RNF13: variants seen among roughly 807,000 people sequenced by gnomAD.
RNF13 encodes the protein ring finger protein 13.
A neutral mutation model predicts 37.7 loss-of-function variants in RNF13; 19 were observed. That is an observed-to-expected ratio of 0.50 (90% CI 0.35 to 0.74). RNF13 has a LOEUF of 0.74. Among genes scored for constraint, RNF13 ranks in the 30% least tolerant of loss-of-function variants. RNF13 has a pLI of 0.01. For synonymous variants in RNF13, 144 were observed against 157.8 expected (o/e 0.91, Z 0.65); for missense variants, 375 against 453.0 (o/e 0.83, Z 1.56).
chr3:149,892,223 T>C (rs1714785330), intron 4 of RNF13, among the ~76,000 whole-genome samples: 1 of 152,206 alleles, frequency 6.6e-6, no homozygotes, highest in African/African-American at 2.4e-5. Flanking sequence ...GCTTTTGATA[T>C]TGATATAATT....
chr3:149,856,960 G>C (rs1401453821), intron 3 of RNF13, among the ~76,000 whole-genome samples: 1 of 152,154 alleles, frequency 6.6e-6, no homozygotes. Context: ...GTGTTAGCTA[G>C]AATGGTCTCA....
intron 4 of RNF13, among the ~76,000 whole-genome samples, chr3:149,894,777 T>C (rs1280356392): frequency 6.6e-6 from 1 of 152,182 alleles, no homozygotes; most frequent in Non-Finnish European, 1.5e-5. Flanking sequence ...TTGCTAATAG[T>C]CTAAAGGTCA....
At chr3:149,897,138 G>C (rs1416608241) in intron 5 of RNF13, among the ~76,000 whole-genome samples, 1 of 152,170 alleles carries the variant, frequency 6.6e-6, no homozygotes, top group Non-Finnish European at 1.5e-5. Flanking sequence ...TTTGTGATCT[G>C]TATACATTTA....
At chr3:149,959,969 T>C in intron 8 of RNF13, 87 bp from the exon 9 acceptor site, 2 of 825,024 alleles carry the variant, frequency 2.4e-6, no homozygotes, top group Admixed American at 4.0e-5. Context: ...CATTCAAAGA[T>C]AAATACATCA....
intron 3 of RNF13, 151 bp from the exon 4 acceptor site, chr3:149,871,878 A>T: frequency 2.1e-6 from 1 of 478,420 alleles, no homozygotes; most frequent in Non-Finnish European, 3.5e-6. Flanking sequence ...ATGCTGCTTT[A>T]GAAGTTCCGT....
At chr3:149,902,050 A>C (rs1264242986) in intron 5 of RNF13, 22 bp from the exon 6 acceptor site, 1 of 1,117,094 alleles carries the variant, frequency 9.0e-7, no homozygotes, top group Non-Finnish European at 1.2e-6. Flanking sequence ...TTTAAGAATA[A>C]TTTCATTATT....
At chr3:149,919,953 A>C (rs1048283610) in intron 7 of RNF13, among the ~76,000 whole-genome samples, 1 of 152,168 alleles carries the variant, frequency 6.6e-6, no homozygotes, top group Non-Finnish European at 1.5e-5. Context: ...GGTATATTGT[A>C]TTATAGTATT....
In RNF13 at chr3:149,895,583, T is replaced by C. The variant is rs2108491465; in HGVS notation, c.409+23T>C. 1 of 1,419,694 alleles carries C rather than the reference T, an allele frequency of 7.0e-7. No individual in the cohort carries two copies. The highest frequency in any genetic ancestry group is 1.9e-5 in the Admixed American group (1 of 53,208). 87.9% of individuals were successfully genotyped at this position (1,419,694 alleles called of 1,614,324 possible). On this transcript the variant is annotated intron_variant, in intron 5 of 9. Coordinates refer to ENST00000392894, the MANE Select transcript of RNF13 (RefSeq NM_183381.3). ...ACAGTAAGTACAGGTATCACTTTTC[T>C]TCTCTCCTGTTTGACAGATCATTTG...
At chr3:149,959,151 T>C (rs1475658321) in intron 8 of RNF13, among the ~76,000 whole-genome samples, 2 of 152,194 alleles carry the variant, frequency 1.3e-5, no homozygotes, top group Admixed American at 6.5e-5. Flanking sequence ...ATTCATGTAG[T>C]GGAAAAAAAC....
intron 8 of RNF13, among the ~76,000 whole-genome samples, chr3:149,948,590 T>G (rs942860500): frequency 1.3e-5 from 2 of 152,236 alleles, no homozygotes; most frequent in Non-Finnish European, 2.9e-5. Flanking sequence ...CTTTTAAATA[T>G]TTCAAACTGA....
rs1336700931 is a variant in RNF13, at chr3:149,852,600, A to G, written c.195+4A>G. 1 of 1,474,024 alleles carries G rather than the reference A, an allele frequency of 6.8e-7. No individual in the cohort carries two copies. Among genetic ancestry groups the G allele is most frequent in the Non-Finnish European group, 9.3e-7 (1 of 1,073,966 alleles). The allele number at this position is 1,474,024 out of a possible 1,614,324, so 91.3% of individuals were successfully genotyped here. The stretch of plus-strand genomic sequence containing the variant: ...ACTTCCAGCTGAAGGTTTAAAGGTA[A>G]GACAGTTGGTAATACATTGTAAAGA... On this transcript the variant is annotated splice_donor_region_variant and intron_variant, in intron 3 of 9. Transcript: ENST00000392894.
chr3:149,834,288 C>A (rs1200986612), intron 1 of RNF13, among the ~76,000 whole-genome samples: 1 of 152,006 alleles, frequency 6.6e-6, no homozygotes, highest in Non-Finnish European at 1.5e-5. Context: ...CTCAAGGGAC[C>A]CCAAATAGCC....
intron 1 of RNF13, chr3:149,814,041 T>G (rs1719172734): frequency 6.6e-6 from 1 of 152,186 alleles, no homozygotes; most frequent in Non-Finnish European, 1.5e-5. Context: ...ATTCCTCTAT[T>G]TTGTCCTAAT....
intron 8 of RNF13, among the ~76,000 whole-genome samples, chr3:149,936,604 A>G (rs1309692195): frequency 6.6e-6 from 1 of 151,830 alleles, no homozygotes; most frequent in Non-Finnish European, 1.5e-5. Context: ...TTTTCTGGTA[A>G]GTTTCTAAAG....
intron 4 of RNF13, among the ~76,000 whole-genome samples, chr3:149,881,965 T>C (rs1713457829): frequency 6.6e-6 from 1 of 152,188 alleles, no homozygotes; most frequent in Non-Finnish European, 1.5e-5. Flanking sequence ...TCTTATGCAC[T>C]TAATTTTTTT....
chr3:149,889,966 C>T (rs1313618271), intron 4 of RNF13, among the ~76,000 whole-genome samples: 1 of 152,194 alleles, frequency 6.6e-6, no homozygotes, highest in African/African-American at 2.4e-5. Flanking sequence ...TGAGCTATCG[C>T]GCCCGGCCTG....
intron 8 of RNF13, among the ~76,000 whole-genome samples, chr3:149,930,117 C>T (rs1007520317): frequency 6.6e-6 from 1 of 152,058 alleles, no homozygotes; most frequent in African/African-American, 2.4e-5. Flanking sequence ...TTAGTAGAGA[C>T]AGGGTTTCAC....
chr3:149,953,982 T>C (rs894873248), intron 8 of RNF13, among the ~76,000 whole-genome samples: 2 of 152,208 alleles, frequency 1.3e-5, no homozygotes, highest in African/African-American at 4.8e-5. Flanking sequence ...AAACATATTT[T>C]ATGATTAAAA....
chr3:149,943,244 A>G (rs977016294), intron 8 of RNF13, among the ~76,000 whole-genome samples: 1 of 127,008 alleles, frequency 7.9e-6, no homozygotes, highest in Admixed American at 7.8e-5. Context: ...TTAAGACTTT[A>G]TTTTTTAGAG....
Sources: gnomAD v4.1 joint callset for allele counts (sites outside exome capture counted in the v4.1 genomes callset) on GRCh38, gnomAD v4.1.1 for gene constraint, MANE v1.5 for transcripts, NCBI Gene and HGNC (gene_info 2026-07-23, HGNC 2026-07-21) for gene names.